The following UTRN variants were observed in gnomAD, a reference collection of about 807,000 sequenced individuals.
UTRN encodes the protein dystrophin-related protein 1.
Under a neutral mutation model 463.9 loss-of-function variants are expected in UTRN, and 283 were observed. That is an observed-to-expected ratio of 0.61 (90% confidence interval 0.55 to 0.67). The LOEUF (loss-of-function observed/expected upper bound fraction) is 0.67, where lower values mean the gene tolerates loss of function less well. Ranked by LOEUF, UTRN falls within the 30% of genes least tolerant of loss-of-function variation. The pLI is 0.00. For synonymous variants in UTRN, 1,442 were observed against 1,431.5 expected (o/e 1.01, Z -0.17); for missense variants, 3,922 against 4,084.3 (o/e 0.96, Z 1.08).
At chr6:144,373,852 T>C (rs572821540) in intron 2 of UTRN, among the ~76,000 whole-genome samples, 1 of 152,338 alleles carries the variant, frequency 6.6e-6, no homozygotes, top group South Asian at 2.1e-4. Flanking sequence ...GGTTATATTA[T>C]TTCTAGTTCT....
At chr6:144,542,506 C>G (rs569453855) in intron 45 of UTRN, among the ~76,000 whole-genome samples, 19 of 152,156 alleles carry the variant, frequency 1.2e-4, no homozygotes, top group African/African-American at 4.6e-4. Flanking sequence ...AGGAGGAAAG[C>G]CAGAATTGCA....
chr6:144,421,426 A>G (rs544844569), intron 3 of UTRN, among the ~76,000 whole-genome samples: 5 of 152,234 alleles, frequency 3.3e-5, no homozygotes, highest in African/African-American at 1.2e-4. Context: ...GCAGTGGCTC[A>G]CGCCTGTAAT....
chr6:144,436,201 C>T, intron 10 of UTRN, 63 bp downstream of exon 10: 3 of 1,459,874 alleles, frequency 2.1e-6, no homozygotes, highest in Non-Finnish European at 2.8e-6. Context: ...TAATCAGGGA[C>T]TCTACTCTCC....
At chr6:144,681,178 A>G (rs924746479) in intron 52 of UTRN, among the ~76,000 whole-genome samples, 2 of 152,204 alleles carry the variant, frequency 1.3e-5, no homozygotes, top group African/African-American at 2.4e-5. Context: ...CCAGGAGAAG[A>G]CAGCCAAAGC....
chr6:144,822,596 T>TA (rs1261956101), intron 66 of UTRN, among the ~76,000 whole-genome samples: 1 of 152,156 alleles, frequency 6.6e-6, no homozygotes, highest in Non-Finnish European at 1.5e-5. Context: ...CAATTTCAAT[T>TA]GAAAGAGAGC....
chr6:144,512,556 C>A (rs1316344662), intron 35 of UTRN, among the ~76,000 whole-genome samples: 2 of 143,800 alleles, frequency 1.4e-5, no homozygotes, highest in Non-Finnish European at 3.1e-5. Flanking sequence ...TATTTGTTCA[C>A]TTTTTTTTTT....
intron 34 of UTRN, among the ~76,000 whole-genome samples, chr6:144,501,080 G>A (rs1585033282): frequency 6.6e-6 from 1 of 152,170 alleles, no homozygotes; most frequent in East Asian, 1.9e-4. Context: ...GGAGATGACA[G>A]CTGGGAGAAA....
intron 10 of UTRN, among the ~76,000 whole-genome samples, chr6:144,436,854 TATAA>T (rs1039435658): frequency 3.5e-5 from 5 of 143,424 alleles, no homozygotes; most frequent in Admixed American, 1.4e-4. Flanking sequence ...AAATAAAATA[TATAA>T]ATAAATATAT....
At chr6:144,353,257 G>T (rs1049360584) in intron 2 of UTRN, among the ~76,000 whole-genome samples, 2 of 152,044 alleles carry the variant, frequency 1.3e-5, no homozygotes, top group African/African-American at 2.4e-5. Flanking sequence ...TGGGACTACA[G>T]GCGCATGCTA....
At chr6:144,507,559 C>T (rs1213855256) in intron 34 of UTRN, among the ~76,000 whole-genome samples, 2 of 152,068 alleles carry the variant, frequency 1.3e-5, no homozygotes, top group Admixed American at 6.5e-5. Flanking sequence ...GGAGGTCCAC[C>T]CCAGACCTGT....
intron 5 of UTRN, 152 bp downstream of exon 5, chr6:144,423,778 C>CA: frequency 1.0e-6 from 1 of 999,788 alleles, no homozygotes; most frequent in Non-Finnish European, 1.5e-6. Flanking sequence ...AGTGAAGAAA[C>CA]AGTCATGTGC....
At chr6:144,824,614 CTTTTTTTTTTT>C (rs34382974) in intron 66 of UTRN, among the ~76,000 whole-genome samples, 1 of 30,878 alleles carries the variant, frequency 3.2e-5, no homozygotes, top group Admixed American at 3.7e-4. Flanking sequence ...ATATATATAT[CTTTTTTTTTTT>C]TTTTTTTTTT....
chr6:144,551,123 C>A, intron 48 of UTRN, 41 bp downstream of exon 48: 1 of 1,327,460 alleles, frequency 7.5e-7, no homozygotes, highest in South Asian at 1.3e-5. Context: ...CATCCACTTT[C>A]CCTGCAAATG....
At chr6:144,624,337 T>G (rs1775729860) in intron 51 of UTRN, among the ~76,000 whole-genome samples, 1 of 152,144 alleles carries the variant, frequency 6.6e-6, no homozygotes, top group Non-Finnish European at 1.5e-5. Flanking sequence ...GGCCACAATT[T>G]ATAATGTAAT....
intron 39 of UTRN, among the ~76,000 whole-genome samples, chr6:144,517,380 T>TA (rs1554276687): frequency 0.011 from 1,636 of 151,692 alleles, 34 homozygotes; most frequent in African/African-American, 0.037. Flanking sequence ...TTTTTTTTTT[T>TA]AAAGATGGGG....
At chr6:144,829,248 CATA>C (rs1462891439) in intron 69 of UTRN, among the ~76,000 whole-genome samples, 1 of 151,810 alleles carries the variant, frequency 6.6e-6, no homozygotes, top group African/African-American at 2.4e-5. Context: ...ACATTTTTTC[CATA>C]ATATCTGCAT....
intron 48 of UTRN, among the ~76,000 whole-genome samples, chr6:144,553,264 C>A (rs897655323): frequency 1.3e-5 from 2 of 152,184 alleles, no homozygotes; most frequent in African/African-American, 4.8e-5. Flanking sequence ...TCTTGAACTT[C>A]TGGCTTCAGG....
intron 51 of UTRN, among the ~76,000 whole-genome samples, chr6:144,624,396 G>C (rs370470624): frequency 1.1e-4 from 16 of 152,288 alleles, no homozygotes; most frequent in South Asian, 1.0e-3. Flanking sequence ...CACGACGACA[G>C]TAAGAGCTTA....
intron 52 of UTRN, among the ~76,000 whole-genome samples, chr6:144,695,480 A>G (rs1312141976): frequency 6.6e-6 from 1 of 151,496 alleles, no homozygotes; most frequent in Non-Finnish European, 1.5e-5. Context: ...AGTAGCTGGG[A>G]TTACAGGCAC....
Sources: allele counts gnomAD v4.1 joint callset (sites outside exome capture counted in the v4.1 genomes callset), GRCh38; gene constraint gnomAD v4.1.1; transcripts MANE v1.5; gene names NCBI Gene and HGNC (gene_info 2026-07-23, HGNC 2026-07-21).